Variants in ACO2 observed in about 807,000 individuals in gnomAD.
ACO2 encodes aconitase 2.
In ACO2, 31 loss-of-function variants were observed where a neutral mutation model predicts 84.5. That is an observed-to-expected ratio of 0.37 (90% CI 0.28 to 0.50). The LOEUF (loss-of-function observed/expected upper bound fraction) is 0.50, where lower values mean the gene tolerates loss of function less well. ACO2 is among the 20% of genes least tolerant of loss of function. ACO2 has a pLI of 0.97. For missense variants in ACO2, 685 were observed against 1,029.3 expected (o/e 0.67, Z 4.58); for synonymous variants, 414 against 412.7 (o/e 1.00, Z -0.04).
intron 10 of ACO2, 57 bp downstream of exon 10, chr22:41,523,044 A>T (rs1254172936): frequency 6.3e-7 from 1 of 1,599,906 alleles, no homozygotes; most frequent in Non-Finnish European, 8.5e-7. Flanking sequence ...TAATGCCTCC[A>T]GGCGGCACAA....
chr22:41,528,737 C>G lies in ACO2; in HGVS notation c.*124C>G. On this transcript the variant is annotated 3_prime_UTR_variant, in exon 18 of 18. Coordinates refer to ENST00000216254, the MANE Select transcript of ACO2 (RefSeq NM_001098.3). ...GGTGTGACCAGACATGCTTCCTGCT[C>G]CCCGCTTAGCCCACGGAGTGACTGT... The G allele has an allele frequency of 7.4e-7, 1 of 1,347,104 alleles. No homozygotes were observed. Among genetic ancestry groups the G allele is most frequent in the Non-Finnish European group, 9.9e-7 (1 of 1,006,722 alleles). 83.4% of individuals were successfully genotyped at this position (1,347,104 alleles called of 1,614,324 possible).
At chr22:41,469,472 T>C (rs2037914868) in intron 1 of ACO2, 2 of 421,506 alleles carry the variant, frequency 4.7e-6, no homozygotes, top group Non-Finnish European at 8.5e-6. Context: ...GAGGACAGCA[T>C]TGCCTGCTCC....
At chr22:41,472,302 G>A (rs977875527) in intron 1 of ACO2, among the ~76,000 whole-genome samples, 7 of 151,310 alleles carry the variant, frequency 4.6e-5, no homozygotes, top group Admixed American at 1.3e-4. Flanking sequence ...GCAGTAAGCC[G>A]AGATCGCGCC....
chr22:41,476,321 C>T lies in ACO2; in HGVS notation c.36+7139C>T, dbSNP rs182030629. Reference sequence around the variant, plus strand: ...ACTTTGTGGGCTAAGACAGGAGAATCGTTTGAACCTGGGAGGCGGAGGTTG... The same window carrying T: ...ACTTTGTGGGCTAAGACAGGAGAATTGTTTGAACCTGGGAGGCGGAGGTTG... On this transcript the variant is annotated intron_variant, in intron 1 of 17. Transcript: ENST00000216254. 2.6e-3 allele frequency among the ~76,000 whole-genome samples: 387 copies of T among 150,494 alleles called. 1 individual carries two copies. Among genetic ancestry groups the T allele is most frequent in the African/African-American group, 9.2e-3 (375 of 40,800 alleles).
rs760972934 is a variant in ACO2 at position 41,527,439 on chromosome 22, C to T, written c.2086+19C>T. On this transcript the variant is annotated intron_variant, in intron 16 of 17. Transcript: ENST00000216254. ...ATCCACGGTGAGCTGGAGTCTGTAC[C>T]CAGGCCATCCTCATCCCATCCCTAG... 3 of 1,596,918 alleles carry T rather than the reference C, an allele frequency of 1.9e-6. No individual in the cohort carries two copies. Among genetic ancestry groups the T allele is most frequent in the South Asian group, 2.2e-5 (2 of 89,008 alleles).
intron 7 of ACO2, 97 bp downstream of exon 7, chr22:41,517,728 TAA>T (rs1419224081): frequency 9.1e-7 from 1 of 1,104,368 alleles, no homozygotes; most frequent in East Asian, 2.5e-5. Context: ...CAGGGGTTCT[TAA>T]CCCATTGTCT....
intron 2 of ACO2, among the ~76,000 whole-genome samples, chr22:41,502,621 C>T (rs1349013012): frequency 1.3e-5 from 2 of 152,126 alleles, no homozygotes; most frequent in Non-Finnish European, 2.9e-5. Flanking sequence ...GTGTTTGTTT[C>T]TGTTTTAGAC....
At chr22:41,512,918 TC>T (rs1314716897) in intron 4 of ACO2, among the ~76,000 whole-genome samples, 1 of 151,986 alleles carries the variant, frequency 6.6e-6, no homozygotes, top group South Asian at 2.1e-4. Flanking sequence ...AGGTGGCCCT[TC>T]CCCCCACCTC....
rs777070976 is a variant in ACO2, at chr22:41,527,951, G to A, written c.2137G>A (p.Ala713Thr). 1.2e-6 allele frequency: 2 copies of A among 1,614,160 alleles called. No homozygotes were observed. Among genetic ancestry groups the A allele is most frequent in the Non-Finnish European group, 1.7e-6 (2 of 1,180,014 alleles). Residue 713 changes from alanine to threonine, a missense_variant, in exon 17 of 18, where the codon GCT becomes ACT. Coordinates refer to ENST00000216254, the MANE Select transcript of ACO2 (RefSeq NM_001098.3). ...GCTGCCTCTGACCTTCGCTGACCCG[G>A]CTGACTACAACAAGATTCACCCTGT... Reference protein sequence around the residue: ...GLLPLTFADPADYNKIHPVDK... With the variant: ...GLLPLTFADPTDYNKIHPVDK...
chr22:41,477,258 A>G (rs1231647219), intron 1 of ACO2, among the ~76,000 whole-genome samples: 2 of 151,286 alleles, frequency 1.3e-5, no homozygotes, highest in African/African-American at 2.4e-5. Flanking sequence ...GGTTCACGCC[A>G]TTCTCCTGCC....
intron 12 of ACO2, 24 bp from the exon 13 acceptor site, chr22:41,524,822 A>G: frequency 2.5e-6 from 4 of 1,614,084 alleles, no homozygotes; most frequent in Non-Finnish European, 3.4e-6. Context: ...GTGCTGACCA[A>G]CAAACTGGCC....
At chr22:41,526,709 A>C in intron 15 of ACO2, 1 of 446,030 alleles carries the variant, frequency 2.2e-6, no homozygotes, top group Non-Finnish European at 4.0e-6. Context: ...CTGGCCCTAG[A>C]CAAAGACAAG....
intron 11 of ACO2, among the ~76,000 whole-genome samples, chr22:41,523,535 G>A (rs1267017060): frequency 6.6e-6 from 1 of 152,252 alleles, no homozygotes; most frequent in African/African-American, 2.4e-5. Context: ...GCCTCACCCT[G>A]ACGGACACAG....
rs1165887683 is a variant in ACO2, at chr22:41,523,920, T to C, written c.1461T>C (p.His487=). The part of the protein sequence containing the change: ...TGRNDANPET[H]AFVTSPEIVT... ...GCAACGACGCAAACCCCGAGACCCA[T>C]GCCTTTGTCACGTCCCCAGAGGTGA... The change falls in exon 12 of 18, where the codon CAT becomes CAC. Residue 487 remains histidine, a synonymous_variant. Transcript: ENST00000216254. The C allele has an allele frequency of 6.2e-7, 1 of 1,612,904 alleles. No individual in the cohort carries two copies. Among genetic ancestry groups the C allele is most frequent in the Non-Finnish European group, 8.5e-7 (1 of 1,179,930 alleles).
At chr22:41,488,801 G>C (rs924697596) in intron 1 of ACO2, among the ~76,000 whole-genome samples, 1 of 152,154 alleles carries the variant, frequency 6.6e-6, no homozygotes, top group African/African-American at 2.4e-5. Context: ...TTACTGGAGA[G>C]CCTGCTTGCT....
rs189341713 is a variant in ACO2 at position 41,490,184 on chromosome 22, G to A, written c.37-9542G>A. On this transcript the variant is annotated intron_variant, in intron 1 of 17. Coordinates refer to ENST00000216254, the MANE Select transcript of ACO2 (RefSeq NM_001098.3). The stretch of plus-strand genomic sequence containing the variant: ...CTAAAAATACAAAAATTAGCTGGGC[G>A]TGGTAGCACGTGCCTGTAGTCCCAG... Among the ~76,000 whole-genome samples the A allele has an allele frequency of 1.1e-4, 16 of 152,240 alleles. No individual in the cohort carries two copies. In the East Asian group the frequency reaches 2.5e-3, roughly 24 times the overall value.
chr22:41,511,647 TG>T (rs1018092033), intron 3 of ACO2, among the ~76,000 whole-genome samples: 2 of 152,218 alleles, frequency 1.3e-5, no homozygotes, highest in African/African-American at 4.8e-5. Flanking sequence ...GTCACAGAAC[TG>T]GGGCTCCATC....
intron 14 of ACO2, chr22:41,525,947 G>A: frequency 3.3e-6 from 1 of 299,126 alleles, no homozygotes; most frequent in East Asian, 6.4e-5. Context: ...TCCAGCATGA[G>A]GTCTGTGGCT....
intron 1 of ACO2, among the ~76,000 whole-genome samples, chr22:41,475,769 A>G (rs1568999571): frequency 6.6e-6 from 1 of 151,882 alleles, no homozygotes; most frequent in East Asian, 1.9e-4. Flanking sequence ...GTGGTGGCGC[A>G]TGCCTGTGAT....
Sources: gnomAD v4.1 joint callset for allele counts (sites outside exome capture counted in the v4.1 genomes callset) on GRCh38, gnomAD v4.1.1 for gene constraint, MANE v1.5 for transcripts, NCBI Gene and HGNC (gene_info 2026-07-23, HGNC 2026-07-21) for gene names.